Variants in LHFPL6 observed in about 807,000 individuals in gnomAD.
LHFPL6 encodes the protein LHFPL tetraspan subfamily member 6.
In LHFPL6, 9 loss-of-function variants were observed where a neutral mutation model predicts 20.6. That is an observed-to-expected ratio of 0.44 (90% CI 0.26 to 0.76). The LOEUF is 0.76. LHFPL6 is among the 30% of genes least tolerant of loss of function. LHFPL6 has a pLI of 0.20. For missense variants in LHFPL6, 218 were observed against 253.5 expected (o/e 0.86, Z 0.95); for synonymous variants, 105 against 98.7 (o/e 1.06, Z -0.38).
Position 39,378,526 on chromosome 13 carries a change from C to A in LHFPL6, c.386G>T (p.Gly129Val). 1 of 1,612,844 alleles carries A rather than the reference C, an allele frequency of 6.2e-7. No individual in the cohort carries two copies. The highest frequency in any genetic ancestry group is 8.5e-7 in the Non-Finnish European group (1 of 1,179,008). The change falls in exon 3 of 4, where the codon GGC (glycine) becomes GTC (valine). Residue 129 changes from glycine (G) to valine (V), a missense_variant and splice_region_variant. Coordinates refer to ENST00000379589, the MANE Select transcript of LHFPL6 (RefSeq NM_005780.3). The stretch of plus-strand genomic sequence containing the variant: ...GGCACAGCCAGCACCAATCAACAAG[C>A]CTGCAAAGAGATAAGACAAGAGGGC... ...RVAGGIQFLG[G>V]LLIGAGCALY...
intron 2 of LHFPL6, among the ~76,000 whole-genome samples, chr13:39,451,305 C>A (rs1485962834): frequency 1.3e-5 from 2 of 152,110 alleles, no homozygotes; most frequent in Non-Finnish European, 2.9e-5. Flanking sequence ...TCTGCAGCAA[C>A]TAAGATATTG....
intron 2 of LHFPL6, among the ~76,000 whole-genome samples, chr13:39,427,057 TA>T (rs527894114): frequency 4.6e-3 from 640 of 139,150 alleles, no homozygotes; most frequent in African/African-American, 6.1e-3. Context: ...TGCATCTTTG[TA>T]AAAAAAAAAA....
chr13:39,437,547 G>A (rs781368971), intron 2 of LHFPL6, among the ~76,000 whole-genome samples: 2 of 152,138 alleles, frequency 1.3e-5, no homozygotes, highest in African/African-American at 2.4e-5. Flanking sequence ...GAAGAACCAC[G>A]AACCAATGAA....
At chr13:39,566,190 T>G (rs1337951365) in intron 2 of LHFPL6, among the ~76,000 whole-genome samples, 1 of 152,156 alleles carries the variant, frequency 6.6e-6, no homozygotes, top group Non-Finnish European at 1.5e-5. Context: ...CATACAGAAC[T>G]CTCAGCCCCT....
rs747414389 is a variant in LHFPL6 at position 39,603,111 on chromosome 13, G to A, written c.-403C>T. 6.6e-6 allele frequency: 1 copy of A among 152,306 alleles called. No individual in the cohort carries two copies. Among genetic ancestry groups the A allele is most frequent in the Admixed American group, 6.5e-5 (1 of 15,284 alleles). 9.4% of individuals were successfully genotyped at this position (152,306 alleles called of 1,614,324 possible). A position where few individuals can be genotyped will look rare whatever the true frequency, so the allele number is the denominator to read the frequency against. On this transcript the variant is annotated 5_prime_UTR_variant, in exon 1 of 4. Transcript: ENST00000379589. ...ACCAGCGGAGACCCCCACTCCCGGC[G>A]AGTCCGCGGCGGCAGCTCTGGCGGA... is the stretch of plus-strand genomic sequence containing the variant.
intron 2 of LHFPL6, among the ~76,000 whole-genome samples, chr13:39,516,241 A>G (rs1869911172): frequency 6.6e-6 from 1 of 152,230 alleles, no homozygotes; most frequent in African/African-American, 2.4e-5. Context: ...AATGCCAAAC[A>G]TTTCTATCCT....
chr13:39,590,984 GACTCT>G (rs1436312742), intron 2 of LHFPL6, among the ~76,000 whole-genome samples: 2 of 152,292 alleles, frequency 1.3e-5, no homozygotes, highest in East Asian at 3.9e-4. Flanking sequence ...CTCTTAGAAA[GACTCT>G]ACTCTGCCTA....
intron 2 of LHFPL6, among the ~76,000 whole-genome samples, chr13:39,572,470 G>C (rs142859285): frequency 7.2e-5 from 11 of 152,188 alleles, no homozygotes; most frequent in African/African-American, 2.4e-4. Context: ...TCTCAATAAA[G>C]GGTATTATAC....
chr13:39,599,377 G>C (rs984150697), intron 2 of LHFPL6, among the ~76,000 whole-genome samples: 2 of 152,202 alleles, frequency 1.3e-5, no homozygotes, highest in East Asian at 3.8e-4. Context: ...AAATTTGTAA[G>C]TTTTCAAACT....
At chr13:39,436,295 A>G (rs1328036019) in intron 2 of LHFPL6, among the ~76,000 whole-genome samples, 2 of 152,350 alleles carry the variant, frequency 1.3e-5, no homozygotes, top group South Asian at 4.1e-4. Flanking sequence ...TTCAATGTCA[A>G]CTATATCAGT....
chr13:39,418,174 C>T (rs2761943), intron 2 of LHFPL6, among the ~76,000 whole-genome samples: 145,970 of 152,246 alleles, frequency 0.96, 70,290 homozygotes, highest in East Asian at 1. Context: ...ATCTTACTTA[C>T]ATATTTTATC....
At chr13:39,467,509 T>A (rs1485384598) in intron 2 of LHFPL6, among the ~76,000 whole-genome samples, 1 of 152,142 alleles carries the variant, frequency 6.6e-6, no homozygotes, top group Non-Finnish European at 1.5e-5. Flanking sequence ...TAACCAACCC[T>A]GCTCCTGTCG....
At chr13:39,469,980 C>T (rs1872902321) in intron 2 of LHFPL6, among the ~76,000 whole-genome samples, 1 of 152,028 alleles carries the variant, frequency 6.6e-6, no homozygotes, top group African/African-American at 2.4e-5. Context: ...ACTTACATCT[C>T]GGAAAAGACG....
intron 2 of LHFPL6, among the ~76,000 whole-genome samples, chr13:39,389,361 A>G (rs955003786): frequency 6.6e-6 from 1 of 152,200 alleles, no homozygotes; most frequent in Admixed American, 6.5e-5. Context: ...TATGGCTGTG[A>G]GAAATAGTAA....
rs1269754611 is a variant in LHFPL6 at position 39,352,900 on chromosome 13, T to C, written c.485-8846A>G. 2.6e-3 allele frequency among the ~76,000 whole-genome samples: 89 copies of C among 34,022 alleles called. 1 individual carries two copies. The highest frequency in any genetic ancestry group is 5.1e-3 in the African/African-American group (54 of 10,614). 22.3% of individuals were successfully genotyped at this position (34,022 alleles called of 152,430 possible). On this transcript the variant is annotated intron_variant, in intron 3 of 3. Coordinates refer to ENST00000379589, the MANE Select transcript of LHFPL6 (RefSeq NM_005780.3). Reference sequence around the variant, plus strand: ...ATATAAATGTATATATATGTGTATATATATATAAATGTATATATATATAAA... The same window carrying C: ...ATATAAATGTATATATATGTGTATACATATATAAATGTATATATATATAAA...
intron 2 of LHFPL6, among the ~76,000 whole-genome samples, chr13:39,434,645 T>C (rs1278572658): frequency 1.3e-5 from 2 of 152,192 alleles, no homozygotes; most frequent in Admixed American, 1.3e-4. Context: ...TTAAATTGCC[T>C]GGACTTTAGC....
intron 2 of LHFPL6, among the ~76,000 whole-genome samples, chr13:39,465,864 C>A (rs561166579): frequency 2.0e-5 from 3 of 152,146 alleles, no homozygotes; most frequent in African/African-American, 7.2e-5. Context: ...AGTCTAGCAG[C>A]AGCTAGCAAT....
At position 39,601,165 on chromosome 13, in the gene LHFPL6, G is replaced by T. The variant is rs766366577; in HGVS notation, c.52C>A (p.Leu18Ile). 1 of 1,614,068 alleles carries T rather than the reference G, an allele frequency of 6.2e-7. No homozygotes were observed. Among genetic ancestry groups the T allele is most frequent in the Admixed American group, 1.7e-5 (1 of 60,022 alleles). ...TGVIWALLSF[L>I]CAATSCVGFF... ...CCCACGCAGGAGGTGGCAGCACAAA[G>T]AAAAGACAGCAAAGCCCAGATTACT... Residue 18 changes from leucine (L) to isoleucine (I), a missense_variant, in exon 2 of 4, where the codon CTT becomes ATT. By Grantham distance (5) the Leu-to-Ile change is conservative. Transcript: ENST00000379589.
intron 2 of LHFPL6, among the ~76,000 whole-genome samples, chr13:39,460,024 G>A (rs1593321119): frequency 6.6e-6 from 1 of 151,416 alleles, no homozygotes; most frequent in South Asian, 2.1e-4. Flanking sequence ...ATATGTCTTT[G>A]TATCTTAATC....
Sources: gnomAD v4.1 joint callset for allele counts (sites outside exome capture counted in the v4.1 genomes callset) on GRCh38, gnomAD v4.1.1 for gene constraint, MANE v1.5 for transcripts, NCBI Gene and HGNC (gene_info 2026-07-23, HGNC 2026-07-21) for gene names.